Variants in SBF2 observed in about 807,000 individuals in gnomAD.
The protein encoded by SBF2 is myotubularin-related protein 13.
A neutral mutation model predicts 225.2 loss-of-function variants in SBF2; 112 were observed. That is an observed-to-expected ratio of 0.50 (90% CI 0.43 to 0.58). SBF2 has a LOEUF of 0.58. Ranked by LOEUF, SBF2 falls within the 20% of genes least tolerant of loss-of-function variation. The probability of loss-of-function intolerance (pLI) is 0.00; values close to 1 mark genes in which losing one functional copy is unlikely to be tolerated. For synonymous variants in SBF2, 763 were observed against 773.3 expected (o/e 0.99, Z 0.22); for missense variants, 1,996 against 2,206.2 (o/e 0.90, Z 1.91).
chr11:10,007,874 C>G (rs948935424), intron 6 of SBF2, among the ~76,000 whole-genome samples: 2 of 152,152 alleles, frequency 1.3e-5, no homozygotes, highest in African/African-American at 2.4e-5. Flanking sequence ...AAGGCCTGAG[C>G]CAAATTACAA....
chr11:9,839,272 AG>A, intron 26 of SBF2: 1 of 544,400 alleles, frequency 1.8e-6, no homozygotes. Context: ...AGAAATTCAT[AG>A]GGGGTGAGTA....
chr11:9,831,471 C>T (rs773170040), intron 27 of SBF2, among the ~76,000 whole-genome samples: 1 of 152,230 alleles, frequency 6.6e-6, no homozygotes, highest in Admixed American at 6.5e-5. Flanking sequence ...TTTCAAAAAG[C>T]ACATGGTTGT....
At chr11:10,098,933 GA>G (rs1952166012) in intron 2 of SBF2, among the ~76,000 whole-genome samples, 1 of 151,892 alleles carries the variant, frequency 6.6e-6, no homozygotes, top group Non-Finnish European at 1.5e-5. Context: ...AAATATGCAT[GA>G]TAGAAGTCTC....
chr11:9,946,059 C>T (rs1042911460), intron 16 of SBF2, among the ~76,000 whole-genome samples: 1 of 152,162 alleles, frequency 6.6e-6, no homozygotes, highest in Non-Finnish European at 1.5e-5. Context: ...AACCACCATT[C>T]AACCCAGCAA....
Position 10,126,228 on chromosome 11 carries a change from T to C in SBF2, c.141+67674A>G, listed in dbSNP as rs559831035. 3.3e-5 allele frequency among the ~76,000 whole-genome samples: 5 copies of C among 152,286 alleles called. No homozygotes were observed. The East Asian group carries it at 7.7e-4, about 23-fold the overall frequency. ...TCATTTTTGGTACTATCTAAATCTG[T>C]GGTTATACTGCTTTTCTCAACCCTA... On this transcript the variant is annotated intron_variant, in intron 2 of 39. Transcript: ENST00000256190.
At chr11:10,041,248 T>C (rs145484471) in intron 3 of SBF2, among the ~76,000 whole-genome samples, 180 of 152,212 alleles carry the variant, frequency 1.2e-3, no homozygotes, top group African/African-American at 3.9e-3. Flanking sequence ...CTCTAACTTA[T>C]TCAGATTGAA....
chr11:10,286,724 T>G lies in SBF2; in HGVS notation c.55+7291A>C, dbSNP rs534992624. On this transcript the variant is annotated intron_variant, in intron 1 of 39. Coordinates refer to ENST00000256190, the MANE Select transcript of SBF2 (RefSeq NM_030962.4). ...GTTTATTAGAGAAGTTAACAAAAAA[T>G]GGCTACTCCACAGGCAGAGCAACCA... Among the ~76,000 whole-genome samples, 50 of 152,276 alleles carry G rather than the reference T, an allele frequency of 3.3e-4. 1 individual carries two copies. The highest frequency in any genetic ancestry group is 4.1e-4 in the Non-Finnish European group (28 of 68,010).
At chr11:10,285,341 A>AGAGAGGG (rs929295078) in intron 1 of SBF2, among the ~76,000 whole-genome samples, 1 of 151,790 alleles carries the variant, frequency 6.6e-6, no homozygotes, top group Non-Finnish European at 1.5e-5. Flanking sequence ...AAGAGAAGGA[A>AGAGAGGG]GAGAGGGGAG....
At chr11:9,817,764 AAAAC>A (rs1293950832) in intron 28 of SBF2, among the ~76,000 whole-genome samples, 7 of 144,978 alleles carry the variant, frequency 4.8e-5, no homozygotes, top group East Asian at 1.9e-4. Context: ...AAAAAAAAAA[AAAAC>A]TACAAAAAGA....
At chr11:10,258,665 C>T (rs149211017) in intron 1 of SBF2, among the ~76,000 whole-genome samples, 50 of 152,314 alleles carry the variant, frequency 3.3e-4, no homozygotes, top group African/African-American at 1.1e-3. Context: ...GTCATGGCCA[C>T]GCTGAGGGCC....
At chr11:10,087,182 C>A (rs1298124031) in intron 2 of SBF2, among the ~76,000 whole-genome samples, 1 of 152,098 alleles carries the variant, frequency 6.6e-6, no homozygotes, top group East Asian at 1.9e-4. Context: ...GTCAGTCAAT[C>A]ATTCTCTCAT....
At chr11:9,850,485 T>C (rs2133983042) in intron 21 of SBF2, among the ~76,000 whole-genome samples, 1 of 152,274 alleles carries the variant, frequency 6.6e-6, no homozygotes, top group East Asian at 1.9e-4. Flanking sequence ...CTCAAACTCC[T>C]GGCCTCAAGC....
Position 9,856,540 on chromosome 11 carries a change from G to A in SBF2, c.2281C>T (p.Leu761Phe), listed in dbSNP as rs1390313538. 1.2e-6 allele frequency: 2 copies of A among 1,614,038 alleles called. No individual in the cohort carries two copies. Among genetic ancestry groups the A allele is most frequent in the Admixed American group, 1.7e-5 (1 of 60,004 alleles). ...ANLMVNLLVP[L>F]DTSKNKLLRT... ...AGGAGCTTGTTTTTACTTGTGTCGA[G>A]TGGAACTAGCAGGTTCACCATGAGG... is the stretch of plus-strand genomic sequence containing the variant. The change falls in exon 19 of 40, where the codon CTC (leucine) becomes TTC (phenylalanine). Residue 761 changes from leucine to phenylalanine, a missense_variant. By Grantham distance (22) the Leu-to-Phe change is conservative. Transcript: ENST00000256190.
In SBF2 at chr11:10,104,088, G is replaced by GA. The variant is rs760922615; in HGVS notation, c.142-61108dup. 6.7e-3 allele frequency among the ~76,000 whole-genome samples: 814 copies of GA among 121,820 alleles called. 4 individuals are homozygous for GA. Among genetic ancestry groups the GA allele is most frequent in the African/African-American group, 0.012 (408 of 32,864 alleles). The allele number at this position is 121,820 out of a possible 152,430, so 79.9% of individuals were successfully genotyped here. On this transcript the variant is annotated intron_variant, in intron 2 of 39. Coordinates refer to ENST00000256190, the MANE Select transcript of SBF2 (RefSeq NM_030962.4). ...GGCAAAAGAGTGAGACCCTGTCTCA[G>GA]AAAAAAAAAAAAAAAGAGAGAGTGC...
At chr11:9,784,506 A>C in intron 37 of SBF2, 68 bp from the exon 38 acceptor site, 1 of 1,226,004 alleles carries the variant, frequency 8.2e-7, no homozygotes, top group East Asian at 2.4e-5. Context: ...AGGGGAGGGG[A>C]TATCTGTTGT....
intron 17 of SBF2, among the ~76,000 whole-genome samples, chr11:9,872,166 C>A (rs1335183411): frequency 2.0e-5 from 3 of 152,144 alleles, no homozygotes; most frequent in Non-Finnish European, 4.4e-5. Context: ...ATGATCTTTG[C>A]AGGGATATAG....
intron 2 of SBF2, among the ~76,000 whole-genome samples, chr11:10,049,604 T>A (rs1274309175): frequency 1.3e-5 from 2 of 151,634 alleles, no homozygotes; most frequent in African/African-American, 2.4e-5. Flanking sequence ...AGAGACTCCA[T>A]CTTAAAAAAA....
intron 26 of SBF2, among the ~76,000 whole-genome samples, chr11:9,833,780 T>A (rs75603158): frequency 3.6e-4 from 54 of 150,406 alleles, no homozygotes; most frequent in Non-Finnish European, 6.4e-4. Flanking sequence ...TATCCTTTTT[T>A]TTTTTTTTTT....
intron 1 of SBF2, among the ~76,000 whole-genome samples, chr11:10,260,652 G>A (rs994337715): frequency 5.4e-5 from 8 of 148,040 alleles, no homozygotes; most frequent in South Asian, 2.2e-4. Flanking sequence ...GCAGTGAGCC[G>A]AGATTGCGCC....
Sources: allele counts gnomAD v4.1 joint callset (sites outside exome capture counted in the v4.1 genomes callset), GRCh38; gene constraint gnomAD v4.1.1; transcripts MANE v1.5; gene names NCBI Gene and HGNC (gene_info 2026-07-23, HGNC 2026-07-21).